The following IMMP2L variants were observed in gnomAD, a reference collection of about 807,000 sequenced individuals.
IMMP2L encodes mitochondrial inner membrane protease subunit 2.
Under a neutral mutation model 19.3 loss-of-function variants are expected in IMMP2L, and 18 were observed. That is an observed-to-expected ratio of 0.93 (90% CI 0.64 to 1.38). The LOEUF is 1.38. Among genes scored for constraint, IMMP2L ranks in the 40% most tolerant of loss-of-function variants. The pLI is 0.00. For synonymous variants in IMMP2L, 76 were observed against 73.0 expected, an observed-to-expected ratio of 1.04 and a Z score of -0.21; for missense variants, 233 against 218.2, an observed-to-expected ratio of 1.07 and a Z score of -0.43.
At chr7:110,679,871 G>A (rs2130432404) in intron 5 of IMMP2L, among the ~76,000 whole-genome samples, 1 of 152,292 alleles carries the variant, frequency 6.6e-6, no homozygotes. Context: ...CACCATATCT[G>A]GTGCTATGTG....
At chr7:111,161,615 C>T (rs561523097) in intron 3 of IMMP2L, among the ~76,000 whole-genome samples, 1 of 151,856 alleles carries the variant, frequency 6.6e-6, no homozygotes, top group South Asian at 2.1e-4. Context: ...TTTAGGTATC[C>T]TATCATGGTA....
At chr7:110,735,197 A>G (rs912412318) in intron 5 of IMMP2L, among the ~76,000 whole-genome samples, 3 of 152,204 alleles carry the variant, frequency 2.0e-5, no homozygotes, top group South Asian at 2.1e-4. Flanking sequence ...CTGAGCCTGC[A>G]TGTGCACTAG....
chr7:110,747,067 G>A (rs34061473), intron 5 of IMMP2L, among the ~76,000 whole-genome samples: 37,864 of 151,672 alleles, frequency 0.25, 4,987 homozygotes, highest in Middle Eastern at 0.31. Flanking sequence ...ATGATAAAGG[G>A]GATACCACCA....
chr7:110,925,751 AC>A (rs1372670265), intron 4 of IMMP2L, among the ~76,000 whole-genome samples: 1 of 152,102 alleles, frequency 6.6e-6, no homozygotes. Context: ...GTGTACACTA[AC>A]TGCTAAATGT....
At chr7:111,024,864 T>C (rs2129567612) in intron 3 of IMMP2L, among the ~76,000 whole-genome samples, 1 of 152,314 alleles carries the variant, frequency 6.6e-6, no homozygotes, top group Admixed American at 6.5e-5. Context: ...CTTTCAAATT[T>C]TCCTTAATCA....
At chr7:110,956,989 A>G (rs1446236210) in intron 4 of IMMP2L, among the ~76,000 whole-genome samples, 1 of 152,044 alleles carries the variant, frequency 6.6e-6, no homozygotes, top group African/African-American at 2.4e-5. Flanking sequence ...TTAACTAAAA[A>G]TAATATTTCG....
At chr7:111,009,951 C>T (rs1824755470) in intron 3 of IMMP2L, among the ~76,000 whole-genome samples, 1 of 152,112 alleles carries the variant, frequency 6.6e-6, no homozygotes, top group African/African-American at 2.4e-5. Flanking sequence ...CTCATTTACA[C>T]AGGAAATTAA....
At position 110,915,244 on chromosome 7, in the gene IMMP2L, C is replaced by T. The variant is rs186292792; in HGVS notation, c.306-28549G>A. On this transcript the variant is annotated intron_variant, in intron 4 of 5. Coordinates refer to ENST00000405709, the MANE Select transcript of IMMP2L (RefSeq NM_032549.4). ...AAAATGTGATGCACTCATGTGCACG[C>T]GCGTGCGTGCACGCACACACACACA... is the stretch of plus-strand genomic sequence containing the variant. Among the ~76,000 whole-genome samples, 151 of 142,086 alleles carry T rather than the reference C, an allele frequency of 1.1e-3. 1 individual carries two copies. The highest frequency in any genetic ancestry group is 3.9e-3 in the African/African-American group (125 of 31,964). 93.2% of individuals were successfully genotyped at this position (142,086 alleles called of 152,430 possible).
At chr7:111,108,582 G>A (rs910248263) in intron 3 of IMMP2L, among the ~76,000 whole-genome samples, 1 of 152,074 alleles carries the variant, frequency 6.6e-6, no homozygotes, top group Non-Finnish European at 1.5e-5. Flanking sequence ...GAGATATAAT[G>A]AGAGTAGACA....
chr7:111,311,553 G>T (rs1823516979), intron 3 of IMMP2L, among the ~76,000 whole-genome samples: 1 of 152,090 alleles, frequency 6.6e-6, no homozygotes, highest in African/African-American at 2.4e-5. Context: ...CTTGAAGAAA[G>T]ATTTTTGGTA....
chr7:111,445,207 C>T (rs546772335), intron 3 of IMMP2L, among the ~76,000 whole-genome samples: 37 of 152,082 alleles, frequency 2.4e-4, no homozygotes, highest in African/African-American at 8.0e-4. Flanking sequence ...TCTTACACAT[C>T]CCCAAGAACA....
At chr7:111,061,527 C>G (rs1466075514) in intron 3 of IMMP2L, among the ~76,000 whole-genome samples, 5 of 152,076 alleles carry the variant, frequency 3.3e-5, no homozygotes, top group Admixed American at 1.3e-4. Flanking sequence ...AATTAATACT[C>G]AATTCCTCTC....
At chr7:110,997,740 T>C (rs1823194355) in intron 3 of IMMP2L, among the ~76,000 whole-genome samples, 1 of 152,146 alleles carries the variant, frequency 6.6e-6, no homozygotes, top group African/African-American at 2.4e-5. Flanking sequence ...TTGAGAGTTC[T>C]TCATATATTC....
chr7:111,011,425 G>A (rs1192462279), intron 3 of IMMP2L, among the ~76,000 whole-genome samples: 2 of 152,070 alleles, frequency 1.3e-5, no homozygotes, highest in Non-Finnish European at 2.9e-5. Context: ...AAAAATGCAT[G>A]CACAACAGAT....
At chr7:111,268,567 C>CTTTTTTT (rs1562987595) in intron 3 of IMMP2L, among the ~76,000 whole-genome samples, 1 of 63,350 alleles carries the variant, frequency 1.6e-5, no homozygotes, top group Admixed American at 1.8e-4. Flanking sequence ...CTTCACATTT[C>CTTTTTTT]TCTTTTTTTT....
chr7:110,858,424 G>A (rs1035311223), intron 5 of IMMP2L, among the ~76,000 whole-genome samples: 1 of 151,990 alleles, frequency 6.6e-6, no homozygotes, highest in Non-Finnish European at 1.5e-5. Context: ...AGCAGAGGGG[G>A]AGGGGGACAG....
At chr7:110,915,080 T>C (rs566786158) in intron 4 of IMMP2L, among the ~76,000 whole-genome samples, 8 of 152,286 alleles carry the variant, frequency 5.3e-5, no homozygotes, top group East Asian at 3.9e-4. Flanking sequence ...CCAGCAATCC[T>C]ATTCCTGGGT....
chr7:111,102,478 T>C (rs1798080665), intron 3 of IMMP2L, among the ~76,000 whole-genome samples: 1 of 151,610 alleles, frequency 6.6e-6, no homozygotes, highest in Admixed American at 6.6e-5. Context: ...TTATTGACAG[T>C]AATGTGTTGC....
intron 5 of IMMP2L, among the ~76,000 whole-genome samples, chr7:110,822,260 C>G (rs1424825997): frequency 6.6e-6 from 1 of 152,122 alleles, no homozygotes; most frequent in Non-Finnish European, 1.5e-5. Flanking sequence ...ATTCTACCTT[C>G]AAAATATAGC....
Sources: gnomAD v4.1 joint callset for allele counts (sites outside exome capture counted in the v4.1 genomes callset) on GRCh38, gnomAD v4.1.1 for gene constraint, MANE v1.5 for transcripts, NCBI Gene and HGNC (gene_info 2026-07-23, HGNC 2026-07-21) for gene names.